Variants in CLVS1 observed in about 807,000 individuals in gnomAD.
CLVS1 encodes the protein clavesin-1.
CLVS1 carries 10 observed loss-of-function variants against 33.1 expected under a neutral mutation model. That is an observed-to-expected ratio of 0.30 (90% CI 0.19 to 0.51). The LOEUF (loss-of-function observed/expected upper bound fraction) is 0.51, where lower values mean the gene tolerates loss of function less well. CLVS1 is among the 20% of genes least tolerant of loss of function. CLVS1 has a pLI of 0.97. For missense variants in CLVS1, 343 were observed against 433.4 expected, an observed-to-expected ratio of 0.79 and a Z score of 1.85; for synonymous variants, 163 against 166.1, an observed-to-expected ratio of 0.98 and a Z score of 0.14.
chr8:61,238,337 C>T (rs1808613128), intron 2 of CLVS1, among the ~76,000 whole-genome samples: 1 of 151,860 alleles, frequency 6.6e-6, no homozygotes, highest in Admixed American at 6.6e-5. Context: ...CTTTCCCTCC[C>T]CTGCTTACTA....
At chr8:61,230,484 A>C (rs1204577817) in intron 2 of CLVS1, among the ~76,000 whole-genome samples, 1 of 152,238 alleles carries the variant, frequency 6.6e-6, no homozygotes, top group African/African-American at 2.4e-5. Context: ...TAATAGACAT[A>C]AGCACTAAAA....
intron 2 of CLVS1, among the ~76,000 whole-genome samples, chr8:61,341,528 C>G (rs1812028761): frequency 6.6e-6 from 1 of 152,192 alleles, no homozygotes; most frequent in Non-Finnish European, 1.5e-5. Context: ...CCTCAAACAT[C>G]AGAGAACCCT....
intron 2 of CLVS1, among the ~76,000 whole-genome samples, chr8:61,349,328 G>C (rs1420045331): frequency 6.6e-6 from 1 of 151,884 alleles, no homozygotes; most frequent in African/African-American, 2.4e-5. Flanking sequence ...ATAATTTGTA[G>C]TTGTCAATTA....
intron 2 of CLVS1, chr8:61,202,954 G>T: frequency 6.9e-7 from 1 of 1,442,396 alleles, no homozygotes; most frequent in South Asian, 1.1e-5. Flanking sequence ...AGCCAAAAAT[G>T]CACAAAAGTC....
chr8:61,319,341 G>C (rs34051900), intron 2 of CLVS1, among the ~76,000 whole-genome samples: 1 of 152,146 alleles, frequency 6.6e-6, no homozygotes, highest in Non-Finnish European at 1.5e-5. Flanking sequence ...GCACCAATTA[G>C]GGAAGGTTAA....
intron 2 of CLVS1, among the ~76,000 whole-genome samples, chr8:61,326,536 T>C (rs1048046064): frequency 2.0e-5 from 3 of 152,200 alleles, no homozygotes; most frequent in South Asian, 2.1e-4. Flanking sequence ...ACATTCTATT[T>C]GTCAAAGAAA....
intron 2 of CLVS1, among the ~76,000 whole-genome samples, chr8:61,306,526 A>G (rs757225941): frequency 2.6e-5 from 4 of 152,176 alleles, no homozygotes; most frequent in Non-Finnish European, 5.9e-5. Flanking sequence ...GCTGTATACC[A>G]CATTGTCTTT....
chr8:61,006,773 G>C, the CLVS1 span, among the ~76,000 whole-genome samples: 4 of 152,186 alleles, frequency 2.6e-5, no homozygotes, highest in African/African-American at 9.7e-5. Context: ...CTTGTTCCCT[G>C]ACAGAGGAGG....
rs10097526 is a variant in CLVS1 at position 61,331,791 on chromosome 8, T to A, written c.455+31509T>A. On this transcript the variant is annotated intron_variant, in intron 2 of 5. Coordinates refer to ENST00000325897, the MANE Select transcript of CLVS1 (RefSeq NM_173519.3). The stretch of plus-strand genomic sequence containing the variant: ...TCTACATTTTCTCATTTCCTCCAGC[T>A]TCTTCTTCTTCTTCTCCTCCTCCTC... Among the ~76,000 whole-genome samples, 967 of 137,904 alleles carry A rather than the reference T, an allele frequency of 7.0e-3. 9 individuals are homozygous for A. Among genetic ancestry groups the A allele is most frequent in the African/African-American group, 0.029 (905 of 31,530 alleles). The allele number at this position is 137,904 out of a possible 152,430, so 90.5% of individuals were successfully genotyped here.
chr8:61,347,893 C>T (rs1812287167), intron 2 of CLVS1, among the ~76,000 whole-genome samples: 1 of 151,296 alleles, frequency 6.6e-6, no homozygotes, highest in Admixed American at 6.6e-5. Context: ...TTCCCACCAG[C>T]AATGTACAAG....
intron 1 of CLVS1, among the ~76,000 whole-genome samples, chr8:61,130,240 AAAATAAAT>A (rs78418007): frequency 0.019 from 2,710 of 140,068 alleles, 32 homozygotes; most frequent in Middle Eastern, 0.036. Flanking sequence ...TCTGTCTCAA[AAAATAAAT>A]AAATAAATAA....
intron 3 of CLVS1, among the ~76,000 whole-genome samples, chr8:61,444,024 C>T (rs1273227841): frequency 1.3e-5 from 2 of 151,646 alleles, no homozygotes; most frequent in African/African-American, 4.8e-5. Context: ...ATTTTGGTGT[C>T]TTCATATTTA....
At chr8:61,020,436 C>T in the CLVS1 span, among the ~76,000 whole-genome samples, 1 of 152,180 alleles carries the variant, frequency 6.6e-6, no homozygotes, top group Non-Finnish European at 1.5e-5. Context: ...CTGTTGTCAA[C>T]AGATACTTCA....
chr8:61,302,302 A>G (rs541368200), intron 2 of CLVS1, among the ~76,000 whole-genome samples: 4 of 152,232 alleles, frequency 2.6e-5, no homozygotes, highest in Non-Finnish European at 5.9e-5. Flanking sequence ...CATATATCAT[A>G]TCATAATTAA....
At chr8:61,107,647 G>A (rs984541446) in intron 1 of CLVS1, among the ~76,000 whole-genome samples, 1 of 152,216 alleles carries the variant, frequency 6.6e-6, no homozygotes, top group Non-Finnish European at 1.5e-5. Flanking sequence ...ACCATAGCAA[G>A]GACTAACCTG....
intron 2 of CLVS1, among the ~76,000 whole-genome samples, chr8:61,248,268 C>T (rs1311435924): frequency 2.0e-5 from 3 of 151,910 alleles, no homozygotes; most frequent in Non-Finnish European, 4.4e-5. Context: ...GGTTATTTGG[C>T]TTTTCTTTTT....
chr8:61,236,646 C>G (rs1423320577), intron 2 of CLVS1, among the ~76,000 whole-genome samples: 1 of 152,194 alleles, frequency 6.6e-6, no homozygotes, highest in East Asian at 1.9e-4. Context: ...TCCCCATGCT[C>G]AACACCTGCT....
At chr8:61,194,141 G>T (rs1240123489) in intron 2 of CLVS1, among the ~76,000 whole-genome samples, 2 of 151,922 alleles carry the variant, frequency 1.3e-5, no homozygotes, top group African/African-American at 4.8e-5. Flanking sequence ...AAGGAAGAAG[G>T]CATGATAAAG....
chr8:61,109,566 A>T (rs945155092), intron 1 of CLVS1, among the ~76,000 whole-genome samples: 1 of 152,196 alleles, frequency 6.6e-6, no homozygotes, highest in African/African-American at 2.4e-5. Flanking sequence ...GGTCATCTGA[A>T]GTTCAAATTC....
Sources: allele counts gnomAD v4.1 joint callset (sites outside exome capture counted in the v4.1 genomes callset), GRCh38; gene constraint gnomAD v4.1.1; transcripts MANE v1.5; gene names NCBI Gene and HGNC (gene_info 2026-07-23, HGNC 2026-07-21).